Variants in TGIF1 observed in about 807,000 individuals in gnomAD.
TGIF1 encodes the protein TGFB induced factor homeobox 1, also known as homeobox protein TGIF1.
TGIF1 carries 4 observed loss-of-function variants against 19.3 expected under a neutral mutation model. The ratio of observed to expected loss-of-function variants is 0.21; its 90% CI spans 0.10 to 0.47. TGIF1 has a LOEUF of 0.47. Ranked by LOEUF, TGIF1 falls within the 20% of genes least tolerant of loss-of-function variation. The probability of loss-of-function intolerance (pLI) is 0.98; values close to 1 mark genes in which losing one functional copy is unlikely to be tolerated. For synonymous variants in TGIF1, 122 were observed against 129.3 expected (o/e 0.94, Z 0.38); for missense variants, 275 against 341.4 (o/e 0.81, Z 1.53).
intron 2 of TGIF1, among the ~76,000 whole-genome samples, chr18:3,438,825 G>A (rs4798094): frequency 0.72 from 109,056 of 152,072 alleles, 39,358 homozygotes; most frequent in East Asian, 0.9. Flanking sequence ...GGACTATCCA[G>A]AAGAGAAGTT....
intron 2 of TGIF1, among the ~76,000 whole-genome samples, chr18:3,442,434 A>G (rs939853384): frequency 2.0e-5 from 3 of 152,140 alleles, no homozygotes; most frequent in African/African-American, 4.8e-5. Context: ...ATGGGGACAC[A>G]TTGCCTTCTT....
intron 2 of TGIF1, among the ~76,000 whole-genome samples, chr18:3,434,365 C>A (rs149642219): frequency 1.3e-5 from 2 of 151,940 alleles, no homozygotes; most frequent in African/African-American, 4.8e-5. Flanking sequence ...GTAGAAACCC[C>A]GTCTCTACTA....
chr18:3,438,491 A>G lies in TGIF1; in HGVS notation c.-44-17863A>G, dbSNP rs192473647. On this transcript the variant is annotated intron_variant, in intron 2 of 3. Transcript: ENST00000401449. ...TTGTAATATGGCTGTTTGTGTTTCTATGTCACCATCTGGCTGTGCTGGCTA... is the reference window on the plus strand; with the variant it reads ...TTGTAATATGGCTGTTTGTGTTTCTGTGTCACCATCTGGCTGTGCTGGCTA... Among the ~76,000 whole-genome samples, 8 of 151,904 alleles carry G rather than the reference A, an allele frequency of 5.3e-5. No individual in the cohort carries two copies. The East Asian group carries it at 1.6e-3, about 29-fold the overall frequency.
At chr18:3,452,032 C>G in intron 1 of TGIF1, 1 of 1,611,508 alleles carries the variant, frequency 6.2e-7, no homozygotes, top group Non-Finnish European at 8.5e-7. Context: ...CCGCATTGTT[C>G]GGGCTCCGGC....
chr18:3,441,899 A>C (rs926654595), intron 2 of TGIF1, among the ~76,000 whole-genome samples: 2 of 152,192 alleles, frequency 1.3e-5, no homozygotes, highest in African/African-American at 4.8e-5. Flanking sequence ...ATATGCTTTA[A>C]TATTTGGAAG....
chr18:3,419,050 C>T (rs111284134), intron 2 of TGIF1, among the ~76,000 whole-genome samples: 330 of 152,142 alleles, frequency 2.2e-3, no homozygotes, highest in African/African-American at 6.9e-3. Context: ...AAGAGCAAAA[C>T]TCCATCTCAA....
chr18:3,442,698 C>A (rs1445006813), intron 2 of TGIF1, among the ~76,000 whole-genome samples: 2 of 151,896 alleles, frequency 1.3e-5, no homozygotes, highest in Non-Finnish European at 2.9e-5. Context: ...CCAGCCTGGG[C>A]AACATAGTGA....
At chr18:3,448,803 C>T (rs2082807855), upstream of TGIF1, among the ~76,000 whole-genome samples, 1 of 146,864 alleles carries the variant, frequency 6.8e-6, no homozygotes, top group South Asian at 2.1e-4. Context: ...TTAGTTATCC[C>T]TTGGCCGTCT....
intron 2 of TGIF1, among the ~76,000 whole-genome samples, chr18:3,445,012 G>T (rs1332301286): frequency 6.6e-6 from 1 of 152,142 alleles, no homozygotes; most frequent in Non-Finnish European, 1.5e-5. Flanking sequence ...GGATGCCACT[G>T]GCACACACTG....
At chr18:3,427,250 C>T (rs141289138) in intron 2 of TGIF1, among the ~76,000 whole-genome samples, 122 of 150,728 alleles carry the variant, frequency 8.1e-4, no homozygotes, top group Middle Eastern at 3.6e-3. Flanking sequence ...AGCCAATGAT[C>T]TCTATAAACT....
intron 2 of TGIF1, among the ~76,000 whole-genome samples, chr18:3,426,546 A>G (rs2143165899): frequency 6.6e-6 from 1 of 152,322 alleles, no homozygotes; most frequent in African/African-American, 2.4e-5. Flanking sequence ...TGTTAGCTGT[A>G]CAGATAACCT....
rs769658869 is a variant in TGIF1, at chr18:3,452,412, T to C, written c.16+1907T>C. On this transcript the variant is annotated intron_variant, in intron 1 of 2. Transcript: ENST00000343820. ...CGGGCTGAAGGGGAAACTTTGCGACTGGTTCAGGGCTCTTTGGGGGAGCCG... is the reference window on the plus strand; with the variant it reads ...CGGGCTGAAGGGGAAACTTTGCGACCGGTTCAGGGCTCTTTGGGGGAGCCG... The C allele has an allele frequency of 3.1e-6, 5 of 1,612,846 alleles. No individual in the cohort carries two copies. In the South Asian group the frequency reaches 5.5e-5, roughly 18 times the overall value.
intron 2 of TGIF1, among the ~76,000 whole-genome samples, chr18:3,432,607 A>G (rs1339575865): frequency 6.6e-6 from 1 of 152,218 alleles, no homozygotes; most frequent in Non-Finnish European, 1.5e-5. Context: ...CTCTCAAATG[A>G]TTCAGGAATA....
intron 1 of TGIF1, among the ~76,000 whole-genome samples, chr18:3,413,381 A>G (rs1440490694): frequency 6.6e-6 from 1 of 152,226 alleles, no homozygotes; most frequent in Non-Finnish European, 1.5e-5. Context: ...TAGAATCATT[A>G]AAGTTTCTCA....
intron 2 of TGIF1, among the ~76,000 whole-genome samples, chr18:3,427,289 TC>T (rs1202609761): frequency 2.6e-4 from 38 of 144,224 alleles, no homozygotes; most frequent in African/African-American, 1.0e-3. Context: ...GAATACATTC[TC>T]CCTTTTTTTT....
chr18:3,445,723 C>CAAAAAAAA (rs141550400), upstream of TGIF1, among the ~76,000 whole-genome samples: 6 of 17,692 alleles, frequency 3.4e-4, no homozygotes, highest in Admixed American at 1.4e-3. Context: ...GACTCTGTCT[C>CAAAAAAAA]AAAAAAAAAA....
At chr18:3,445,766 A>AAGAC (rs2082737087), upstream of TGIF1, among the ~76,000 whole-genome samples, 1 of 15,830 alleles carries the variant, frequency 6.3e-5, no homozygotes, top group Non-Finnish European at 1.3e-4. Context: ...GAAGAAAAGC[A>AAGAC]AAAAAAAAAA....
chr18:3,433,974 T>C (rs1214767581), intron 2 of TGIF1, among the ~76,000 whole-genome samples: 1 of 152,262 alleles, frequency 6.6e-6, no homozygotes, highest in Non-Finnish European at 1.5e-5. Flanking sequence ...TATCAGCATG[T>C]CTTCCCCAGA....
rs1420534209 is a variant in TGIF1, at chr18:3,421,383, A to ATT, written c.-45+3170_-45+3171dup. 5.9e-4 allele frequency among the ~76,000 whole-genome samples: 85 copies of ATT among 144,718 alleles called. 1 individual carries two copies. Among genetic ancestry groups the ATT allele is most frequent in the African/African-American group, 2.1e-3 (80 of 37,826 alleles). 94.9% of individuals were successfully genotyped at this position (144,718 alleles called of 152,430 possible). On this transcript the variant is annotated intron_variant, in intron 2 of 3. Coordinates refer to the TGIF1 transcript ENST00000401449. ...GCGTCTTACTATACTATATATATAC[A>ATT]TTTATATATATATAGTATATAAAAT...
Sources: gnomAD v4.1 joint callset for allele counts (sites outside exome capture counted in the v4.1 genomes callset) on GRCh38, gnomAD v4.1.1 for gene constraint, MANE v1.5 for transcripts, NCBI Gene and HGNC (gene_info 2026-07-23, HGNC 2026-07-21) for gene names.